The following PCCA variants were observed in gnomAD, a reference collection of about 807,000 sequenced individuals.
The protein encoded by PCCA is propionyl-CoA carboxylase subunit alpha, also known as propionyl-CoA carboxylase alpha chain, mitochondrial.
A neutral mutation model predicts 101.3 loss-of-function variants in PCCA; 74 were observed. The ratio of observed to expected loss-of-function variants is 0.73; its 90% confidence interval spans 0.61 to 0.89. PCCA has a LOEUF of 0.89. Ranked by LOEUF, PCCA falls within the 40% of genes least tolerant of loss-of-function variation. PCCA has a pLI of 0.00. For synonymous variants in PCCA, 294 were observed against 313.6 expected (o/e 0.94, Z 0.66); for missense variants, 891 against 907.0 (o/e 0.98, Z 0.23).
chr13:100,395,310 A>G (rs191134800), intron 19 of PCCA, among the ~76,000 whole-genome samples: 1 of 152,310 alleles, frequency 6.6e-6, no homozygotes, highest in East Asian at 1.9e-4. Flanking sequence ...CTTGTTTCTT[A>G]GCCATAACTG....
chr13:100,372,377 C>CAAAAA (rs771554225), intron 19 of PCCA, among the ~76,000 whole-genome samples: 1 of 151,586 alleles, frequency 6.6e-6, no homozygotes, highest in Admixed American at 6.6e-5. Flanking sequence ...CAAAACAAAA[C>CAAAAA]AAAAAAACCA....
chr13:100,137,406 A>G (rs919676915), intron 4 of PCCA, among the ~76,000 whole-genome samples: 5 of 152,092 alleles, frequency 3.3e-5, no homozygotes, highest in Admixed American at 6.5e-5. Context: ...ATCCATGCCA[A>G]TTTTCTACTA....
At chr13:100,090,476 T>A (rs910114513) in intron 1 of PCCA, among the ~76,000 whole-genome samples, 3 of 152,178 alleles carry the variant, frequency 2.0e-5, no homozygotes, top group African/African-American at 7.2e-5. Flanking sequence ...CGCATGAGGC[T>A]TTGTATATTG....
chr13:100,280,010 TTG>T lies in PCCA; in HGVS notation c.1065+6666_1065+6667del, dbSNP rs2063963800. 3.5e-4 allele frequency among the ~76,000 whole-genome samples: 16 copies of T among 45,144 alleles called. No individual in the cohort carries two copies. The South Asian group carries it at 0.03, about 84-fold the overall frequency. The allele number at this position is 45,144 out of a possible 152,430, so 29.6% of individuals were successfully genotyped here. A position where few individuals can be genotyped will look rare whatever the true frequency, so the allele number is the denominator to read the frequency against. The stretch of plus-strand genomic sequence containing the variant: ...TCAGAACTGTGTTTTGTTTTTGTTT[TTG>T]TTTTTTTTTTTTTTGGTAACAGAAA... On this transcript the variant is annotated intron_variant, in intron 12 of 23. Transcript: ENST00000376285.
chr13:100,425,378 G>C (rs556443995), intron 19 of PCCA, among the ~76,000 whole-genome samples: 39 of 152,306 alleles, frequency 2.6e-4, no homozygotes, highest in African/African-American at 9.1e-4. Flanking sequence ...GAGTTAGAAG[G>C]CTGTTTGTTA....
At chr13:100,392,596 A>G (rs1233280498) in intron 19 of PCCA, among the ~76,000 whole-genome samples, 1 of 152,196 alleles carries the variant, frequency 6.6e-6, no homozygotes, top group East Asian at 1.9e-4. Context: ...TAATTTCCAG[A>G]AATTTAATCT....
In PCCA at chr13:100,425,637, A is replaced by G; in HGVS notation, c.1751A>G (p.Glu584Gly). 1.2e-6 allele frequency: 2 copies of G among 1,611,324 alleles called. No homozygotes were observed. Among genetic ancestry groups the G allele is most frequent in the South Asian group, 1.1e-5 (1 of 90,978 alleles). Residue 584 changes from glutamate (E) to glycine (G), a missense_variant, in exon 20 of 24, where the codon GAA (glutamate) becomes GGA (glycine). Physicochemically the swap from Glu to Gly is moderately conservative, Grantham distance 98. Coordinates refer to ENST00000376285, the MANE Select transcript of PCCA (RefSeq NM_000282.4). ...ASNNGSVFSV[E>G]VDGSKLNVTS... ...TCTTATTTGGTGTCACAACAGGTGG[A>G]AGTTGATGGGTCGAAACTAAATGTG... is the stretch of plus-strand genomic sequence containing the variant.
At chr13:100,363,729 A>AT (rs147464783) in intron 18 of PCCA, among the ~76,000 whole-genome samples, 3,030 of 152,266 alleles carry the variant, frequency 0.02, 94 homozygotes, top group African/African-American at 0.066. Flanking sequence ...TGATGGCACA[A>AT]CAAAAACCAG....
At chr13:100,130,244 A>G (rs923423429) in intron 4 of PCCA, among the ~76,000 whole-genome samples, 2 of 152,148 alleles carry the variant, frequency 1.3e-5, no homozygotes, top group Non-Finnish European at 1.5e-5. Flanking sequence ...CACTCACCCC[A>G]CTTGGGATTG....
chr13:100,470,715 A>G (rs2082940734), intron 21 of PCCA, among the ~76,000 whole-genome samples: 1 of 152,154 alleles, frequency 6.6e-6, no homozygotes, highest in Admixed American at 6.5e-5. Context: ...CTAGCTGGGC[A>G]TGGTGGCTTA....
intron 21 of PCCA, chr13:100,490,979 T>A (rs148691695): frequency 1.3e-5 from 2 of 152,296 alleles, no homozygotes; most frequent in Admixed American, 1.3e-4. Context: ...CACAGACTTG[T>A]GGGCTCCACC....
intron 8 of PCCA, among the ~76,000 whole-genome samples, chr13:100,255,672 C>T (rs191031640): frequency 2.6e-5 from 4 of 152,220 alleles, no homozygotes; most frequent in East Asian, 1.9e-4. Context: ...TTTTCACTCC[C>T]GTAAAACAGG....
At chr13:100,412,042 C>T (rs1305967860) in intron 19 of PCCA, among the ~76,000 whole-genome samples, 1 of 152,106 alleles carries the variant, frequency 6.6e-6, no homozygotes, top group Non-Finnish European at 1.5e-5. Context: ...TTAGACATAC[C>T]ATAAAGGACA....
intron 7 of PCCA, among the ~76,000 whole-genome samples, chr13:100,210,809 A>C (rs1297543106): frequency 1.3e-5 from 2 of 152,190 alleles, no homozygotes; most frequent in Non-Finnish European, 2.9e-5. Context: ...AGATCATTTC[A>C]TGCATTAGAG....
chr13:100,163,049 G>A (rs1354545544), intron 6 of PCCA, among the ~76,000 whole-genome samples: 1 of 152,140 alleles, frequency 6.6e-6, no homozygotes, highest in Non-Finnish European at 1.5e-5. Context: ...ATGCGATGTG[G>A]AATACTAAAT....
chr13:100,480,787 T>G (rs113743041), intron 21 of PCCA, among the ~76,000 whole-genome samples: 4 of 152,324 alleles, frequency 2.6e-5, no homozygotes, highest in African/African-American at 9.6e-5. Flanking sequence ...AAAAATTTCC[T>G]TGGACACAAT....
chr13:100,170,917 A>C (rs1323871584), intron 6 of PCCA, among the ~76,000 whole-genome samples: 1 of 152,236 alleles, frequency 6.6e-6, no homozygotes, highest in Non-Finnish European at 1.5e-5. Flanking sequence ...ACAATAGAGC[A>C]TTGGTTCCCA....
intron 8 of PCCA, among the ~76,000 whole-genome samples, chr13:100,239,276 G>A (rs533810450): frequency 2.6e-5 from 4 of 152,284 alleles, no homozygotes; most frequent in Admixed American, 2.6e-4. Context: ...CTATCGAGTG[G>A]TGGACCCTGG....
chr13:100,149,266 C>T (rs2052996112), intron 4 of PCCA: 5 of 144,832 alleles, frequency 3.5e-5, no homozygotes, highest in African/African-American at 1.3e-4. Context: ...TTTTTTGAGA[C>T]TCCCAACAAG....
Sources: allele counts gnomAD v4.1 joint callset (sites outside exome capture counted in the v4.1 genomes callset), GRCh38; gene constraint gnomAD v4.1.1; transcripts MANE v1.5; gene names NCBI Gene and HGNC (gene_info 2026-07-23, HGNC 2026-07-21).